The following ITSN1 variants were observed in gnomAD, a reference collection of about 807,000 sequenced individuals.
ITSN1 encodes the protein intersectin-1.
ITSN1 carries 58 observed loss-of-function variants against 239.8 expected under a neutral mutation model. The observed-to-expected ratio is 0.24, with a 90% CI of 0.20 to 0.30. The LOEUF (loss-of-function observed/expected upper bound fraction) is 0.30, where lower values mean the gene tolerates loss of function less well. Ranked by LOEUF, ITSN1 falls within the 10% of genes least tolerant of loss-of-function variation. ITSN1 has a pLI of 1.00. For synonymous variants in ITSN1, 780 were observed against 770.8 expected (o/e 1.01, Z -0.20); for missense variants, 1,558 against 2,103.3 (o/e 0.74, Z 5.07).
intron 8 of ITSN1, among the ~76,000 whole-genome samples, chr21:33,759,821 C>T (rs1036850652): frequency 3.9e-5 from 6 of 152,006 alleles, no homozygotes; most frequent in Admixed American, 1.3e-4. Context: ...ATGGACAGGC[C>T]GGGCACAGTG....
chr21:33,782,750 G>A (rs2070302785), intron 16 of ITSN1, among the ~76,000 whole-genome samples: 1 of 152,178 alleles, frequency 6.6e-6, no homozygotes, highest in African/African-American at 2.4e-5. Context: ...TCTTGGCCGG[G>A]CGTGGTGGCT....
intron 2 of ITSN1, among the ~76,000 whole-genome samples, chr21:33,720,160 G>A (rs2065400030): frequency 6.6e-6 from 1 of 152,218 alleles, no homozygotes; most frequent in Non-Finnish European, 1.5e-5. Context: ...TGTAAGGCCT[G>A]TGAGGAAGGG....
chr21:33,815,805 G>T (rs528806061), intron 22 of ITSN1, among the ~76,000 whole-genome samples: 1 of 152,262 alleles, frequency 6.6e-6, no homozygotes, highest in South Asian at 2.1e-4. Context: ...TGGGCTGCAT[G>T]ATATTGTTCT....
chr21:33,690,144 G>C (rs985016730), intron 1 of ITSN1, among the ~76,000 whole-genome samples: 2 of 151,484 alleles, frequency 1.3e-5, no homozygotes, highest in African/African-American at 4.9e-5. Flanking sequence ...CTGGCGTGGT[G>C]GTGCATGCCT....
At position 33,885,494 on chromosome 21, in the gene ITSN1, C is replaced by T. The variant is rs1263564758; in HGVS notation, c.4815C>T (p.Gly1605=). The part of the protein sequence containing the change: ...IGRLMVNVVE[G]IELKPCRSHG... ...GGTTGATGGTGAACGTGGTTGAAGG[C>T]ATCGAGTTGAAACCCTGTCGGTCAC... The change falls in exon 38 of 40, where the codon GGC becomes GGT. Residue 1605 remains glycine, a synonymous_variant. Coordinates refer to ENST00000381318, the MANE Select transcript of ITSN1 (RefSeq NM_003024.3). 6.2e-7 allele frequency: 1 copy of T among 1,614,074 alleles called. No individual in the cohort carries two copies. Among genetic ancestry groups the T allele is most frequent in the Non-Finnish European group, 8.5e-7 (1 of 1,180,000 alleles).
At chr21:33,877,070 T>TTTTTTTTTTTTTTTTTTTTG (rs1569334979) in intron 34 of ITSN1, among the ~76,000 whole-genome samples, 1 of 144,928 alleles carries the variant, frequency 6.9e-6, no homozygotes, top group East Asian at 2.1e-4. Context: ...TTTTTTTTTT[T>TTTTTTTTTTTTTTTTTTTTG]TGAAATGGAG....
At chr21:33,886,698 C>T (rs904788063) in intron 39 of ITSN1, among the ~76,000 whole-genome samples, 21 of 152,130 alleles carry the variant, frequency 1.4e-4, no homozygotes, top group African/African-American at 3.6e-4. Flanking sequence ...TGGGCAAACA[C>T]GTCCATCTTC....
intron 17 of ITSN1, among the ~76,000 whole-genome samples, chr21:33,796,609 G>A (rs2071581191): frequency 6.6e-6 from 1 of 152,218 alleles, no homozygotes; most frequent in Non-Finnish European, 1.5e-5. Flanking sequence ...GCCCATGCAT[G>A]TATGGCTGTG....
intron 7 of ITSN1, among the ~76,000 whole-genome samples, chr21:33,752,824 T>TA (rs374308030): frequency 0.2 from 25,810 of 127,000 alleles, 3,115 homozygotes; most frequent in African/African-American, 0.36. Flanking sequence ...TGAGCCTGCC[T>TA]AAAAAAAAAA....
At chr21:33,768,293 G>GT (rs1028037229) in intron 11 of ITSN1, among the ~76,000 whole-genome samples, 9 of 151,878 alleles carry the variant, frequency 5.9e-5, no homozygotes, top group Non-Finnish European at 1.0e-4. Context: ...TATTTATTTT[G>GT]TTTTTTGAGA....
rs763378299 is a variant in ITSN1, at chr21:33,895,924, A to G, written c.*7624A>G. Reference sequence around the variant, plus strand: ...CATTTCTAGACAGTGAGAGGAGAGCATTAAGCCAAGCTCAGGTCCCTTCTG... The same window carrying G: ...CATTTCTAGACAGTGAGAGGAGAGCGTTAAGCCAAGCTCAGGTCCCTTCTG... On this transcript the variant is annotated 3_prime_UTR_variant, in exon 40 of 40. Coordinates refer to ENST00000381318, the MANE Select transcript of ITSN1 (RefSeq NM_003024.3). 1 of 152,210 alleles carries G rather than the reference A, an allele frequency of 6.6e-6. No individual in the cohort carries two copies. The highest frequency in any genetic ancestry group is 1.5e-5 in the Non-Finnish European group (1 of 68,052). 9.4% of individuals were successfully genotyped at this position (152,210 alleles called of 1,614,324 possible).
chr21:33,722,698 TA>T, intron 4 of ITSN1, 47 bp downstream of exon 4: 1 of 1,504,546 alleles, frequency 6.6e-7, no homozygotes, highest in Non-Finnish European at 8.9e-7. Context: ...TAAGGCAAAA[TA>T]AAATATCGTT....
At chr21:33,851,063 C>T (rs955520234) in intron 29 of ITSN1, among the ~76,000 whole-genome samples, 3 of 152,214 alleles carry the variant, frequency 2.0e-5, no homozygotes, top group South Asian at 2.1e-4. Flanking sequence ...AGCCATCGCC[C>T]GGGCTTGCTT....
intron 20 of ITSN1, among the ~76,000 whole-genome samples, chr21:33,805,279 A>C (rs1242312265): frequency 6.6e-6 from 1 of 152,232 alleles, no homozygotes; most frequent in Non-Finnish European, 1.5e-5. Context: ...CAGTCAGTTC[A>C]TTCTGGAAAT....
At chr21:33,789,244 A>G (rs531997156) in intron 16 of ITSN1, among the ~76,000 whole-genome samples, 15 of 152,336 alleles carry the variant, frequency 9.8e-5, no homozygotes, top group African/African-American at 3.4e-4. Context: ...ATGTTTATTT[A>G]CAGAAAAGCA....
Position 33,779,605 on chromosome 21 carries a change from T to C in ITSN1, c.1597-1856T>C, listed in dbSNP as rs2069985041. ...GTCTCCTGTGTCTTGACTGATTTTG[T>C]GACTACTTTTATTAGCTACTGAGAG... On this transcript the variant is annotated intron_variant, in intron 14 of 39. Coordinates refer to ENST00000381318, the MANE Select transcript of ITSN1 (RefSeq NM_003024.3). 2.0e-5 allele frequency among the ~76,000 whole-genome samples: 3 copies of C among 152,240 alleles called. No individual in the cohort carries two copies. The South Asian group carries it at 6.2e-4, about 31-fold the overall frequency.
Position 33,885,515 on chromosome 21 carries a change from G to A in ITSN1, c.4836G>A (p.Arg1612=). ...VVEGIELKPC[R]SHGKSNPYCE... is the part of the protein sequence containing the mutation. ...AAGGCATCGAGTTGAAACCCTGTCG[G>A]TCACATGGTAAGGCTGTGAGGCGCC... Residue 1612 remains arginine, a synonymous_variant, in exon 38 of 40, where the codon CGG becomes CGA. Transcript: ENST00000381318. 2.5e-6 allele frequency: 4 copies of A among 1,613,986 alleles called. No individual in the cohort carries two copies. Among genetic ancestry groups the A allele is most frequent in the South Asian group, 1.1e-5 (1 of 91,080 alleles).
chr21:33,762,609 A>C (rs1396891732), intron 9 of ITSN1, among the ~76,000 whole-genome samples: 1 of 152,004 alleles, frequency 6.6e-6, no homozygotes, highest in Non-Finnish European at 1.5e-5. Flanking sequence ...TATAATTTCT[A>C]CTGCAAATAT....
intron 33 of ITSN1, among the ~76,000 whole-genome samples, chr21:33,873,192 A>G (rs1436361018): frequency 6.6e-6 from 1 of 152,198 alleles, no homozygotes; most frequent in Non-Finnish European, 1.5e-5. Context: ...CACAAGACAT[A>G]GAAAACAGTG....
Sources: gnomAD v4.1 joint callset for allele counts (sites outside exome capture counted in the v4.1 genomes callset) on GRCh38, gnomAD v4.1.1 for gene constraint, MANE v1.5 for transcripts, NCBI Gene and HGNC (gene_info 2026-07-23, HGNC 2026-07-21) for gene names.